The following SH3D21 variants were observed in gnomAD, a reference collection of about 807,000 sequenced individuals.
SH3D21 encodes SH3 domain-containing protein 21.
Under a neutral mutation model 82.1 loss-of-function variants are expected in SH3D21, and 83 were observed. The observed-to-expected ratio is 1.01, with a 90% CI of 0.85 to 1.21. SH3D21 has a LOEUF of 1.21. SH3D21 is among the 50% of genes most tolerant of loss of function. The pLI, the probability that SH3D21 is intolerant of heterozygous loss-of-function variation, is 0.00. For synonymous variants in SH3D21, 383 were observed against 387.8 expected, an observed-to-expected ratio of 0.99 and a Z score of 0.15; for missense variants, 980 against 962.1, an observed-to-expected ratio of 1.02 and a Z score of -0.25.
rs1462377402 is a variant in SH3D21 at position 36,319,738 on chromosome 1, A to G, written c.1075A>G (p.Thr359Ala). The G allele has an allele frequency of 6.3e-7, 1 of 1,598,692 alleles. No individual in the cohort carries two copies. Among genetic ancestry groups the G allele is most frequent in the Admixed American group, 1.8e-5 (1 of 56,552 alleles). The change falls in exon 14 of 16, where the codon ACT becomes GCT. Residue 359 changes from threonine to alanine, a missense_variant. By Grantham distance (58) the Thr-to-Ala change is moderately conservative. Coordinates refer to ENST00000453908, the MANE Select transcript of SH3D21 (RefSeq NM_001162530.2). ...SVKRTPMPDK[T>A]ATPERPPAPE... ...GAAGAGAACCCCCATGCCGGACAAG[A>G]CTGCCACCCCAGAGAGGCCCCCAGC...
intron 10 of SH3D21, among the ~76,000 whole-genome samples, chr1:36,314,034 G>GTGCGA (rs1445856143): frequency 9.1e-6 from 1 of 109,942 alleles, no homozygotes; most frequent in East Asian, 3.0e-4. Flanking sequence ...GAGTGCAGTG[G>GTGCGA]TGCGATCTTG....
Position 36,320,773 on chromosome 1 carries a change from C to G in SH3D21, c.2110C>G (p.Leu704Val). The change falls in exon 14 of 16, where the codon CTG becomes GTG. Residue 704 changes from leucine (L) to valine (V), a missense_variant. By Grantham distance (32) the Leu-to-Val change is conservative (BLOSUM62 1). Transcript: ENST00000453908. ...RGEVESLRRA[L>V]ELMEVQLERK... ...CGAGGTGGAGTCTCTAAGGAGGGCG[C>G]TGGAGCTGATGGAGGTGCAGCTGGA... 6.3e-7 allele frequency: 1 copy of G among 1,581,180 alleles called. No homozygotes were observed. The highest frequency in any genetic ancestry group is 8.6e-7 in the Non-Finnish European group (1 of 1,163,284).
In SH3D21 at chr1:36,321,025, C is replaced by T. The variant is rs897290756; in HGVS notation, c.2200-31C>T. ...GAGGGGGCTGACGGCGAGTGGCCCCCTGACAAAGTCTCCACCTCACTCCCG... is the reference window on the plus strand; with the variant it reads ...GAGGGGGCTGACGGCGAGTGGCCCCTTGACAAAGTCTCCACCTCACTCCCG... On this transcript the variant is annotated intron_variant, in intron 15 of 15. Coordinates refer to ENST00000453908, the MANE Select transcript of SH3D21 (RefSeq NM_001162530.2). The surrounding 1 kb of genome is among the most constrained non-coding windows in gnomAD (Gnocchi z 6.1). 1.9e-6 allele frequency: 3 copies of T among 1,598,476 alleles called. No homozygotes were observed. The highest frequency in any genetic ancestry group is 2.6e-6 in the Non-Finnish European group (3 of 1,173,194).
In SH3D21 at chr1:36,320,354, C is replaced by G. The variant is rs141778549; in HGVS notation, c.1691C>G (p.Ala564Gly). The G allele has an allele frequency of 2.0e-5, 33 of 1,613,474 alleles. No individual in the cohort carries two copies. The African/African-American group carries it at 4.4e-4, about 22-fold the overall frequency. The change falls in exon 14 of 16, where the codon GCT becomes GGT. Residue 564 changes from alanine to glycine, a missense_variant. Physicochemically the swap from Ala to Gly is moderately conservative, Grantham distance 60. Transcript: ENST00000453908. ...LVRGDSSPRQ[A>G]ELKSGPASRP... ...AGAGGGGACAGCTCCCCACGCCAGG[C>G]TGAGTTGAAGTCTGGGCCAGCATCC...
chr1:36,322,649 G>T (rs1446012513), downstream of SH3D21: 1 of 1,546,622 alleles, frequency 6.5e-7, no homozygotes, highest in East Asian at 2.4e-5. Context: ...AGATGCTGAT[G>T]ACGAGCAGGC....
In SH3D21 at chr1:36,307,088, ACGTG is replaced by A; in HGVS notation, c.227-76_227-73del. On this transcript the variant is annotated intron_variant, in intron 3 of 15. Coordinates refer to ENST00000453908, the MANE Select transcript of SH3D21 (RefSeq NM_001162530.2). This position sits in a 1 kb window ranked among gnomAD's most constrained non-coding sequence, Gnocchi z 5.4. The stretch of plus-strand genomic sequence containing the variant: ...GGCGGGGCTGGAGGGACCAAAGGCT[ACGTG>A]CGCGCCTTGCGCTTCCCCCAGCTCC... 2.0e-6 allele frequency: 3 copies of A among 1,536,044 alleles called. No homozygotes were observed. The highest frequency in any genetic ancestry group is 2.6e-6 in the Non-Finnish European group (3 of 1,138,570).
chr1:36,320,080 G>A lies in SH3D21; in HGVS notation c.1417G>A (p.Ala473Thr). The A allele has an allele frequency of 6.2e-7, 1 of 1,614,030 alleles. No individual in the cohort carries two copies. ...GGATAAAGTCCCTAATCCAAAGATG[G>A]CCCCTCTGGGGGATGAGGCCCCCAC... ...PMDKVPNPKM[A>T]PLGDEAPTLE... is the part of the protein sequence containing the mutation. Residue 473 changes from alanine to threonine, a missense_variant, in exon 14 of 16, where the codon GCC becomes ACC. Transcript: ENST00000453908.
At chr1:36,322,484 C>G, downstream of SH3D21, 1 of 1,604,090 alleles carries the variant, frequency 6.2e-7, no homozygotes, top group African/African-American at 1.3e-5. Context: ...GCCCGTCCGG[C>G]TCTGCGGACA....
chr1:36,324,296 A>T (rs1646518284), downstream of SH3D21: 1 of 152,232 alleles, frequency 6.6e-6, no homozygotes, highest in Admixed American at 6.5e-5. Flanking sequence ...CTTGTGCACC[A>T]AGCAGCTTGT....
At position 36,309,604 on chromosome 1, in the gene SH3D21, G is replaced by C; in HGVS notation, c.769+14G>C. 6.4e-7 allele frequency: 1 copy of C among 1,551,612 alleles called. No homozygotes were observed. Among genetic ancestry groups the C allele is most frequent in the African/African-American group, 1.4e-5 (1 of 73,170 alleles). ...CTCGGGAATCAGGTGAGTGCCCGGG[G>C]AGCCTGGGATTGGGGGGTGTTCTCT... On this transcript the variant is annotated intron_variant, in intron 10 of 15. Transcript: ENST00000453908.
downstream of SH3D21, chr1:36,322,342 GC>G: frequency 6.3e-7 from 1 of 1,577,710 alleles, no homozygotes; most frequent in South Asian, 1.1e-5. Context: ...GTGGGGCTGG[GC>G]CCCAGCGTGC....
intron 10 of SH3D21, among the ~76,000 whole-genome samples, chr1:36,314,699 C>T (rs1366866067): frequency 1.3e-5 from 2 of 152,046 alleles, no homozygotes; most frequent in Non-Finnish European, 2.9e-5. Context: ...TGTGATCCAC[C>T]CACCTCGGCC....
chr1:36,313,100 G>A (rs1646272263), intron 10 of SH3D21, among the ~76,000 whole-genome samples: 2 of 152,056 alleles, frequency 1.3e-5, no homozygotes, highest in Non-Finnish European at 2.9e-5. Context: ...TGAGGCGGGT[G>A]GATCATGGGG....
At chr1:36,322,706 G>A, downstream of SH3D21, 1 of 1,547,230 alleles carries the variant, frequency 6.5e-7, no homozygotes, top group Non-Finnish European at 8.7e-7. Context: ...CGAAGTAGAG[G>A]CCGAAGCTCT....
rs1318578385 is a variant in SH3D21 at position 36,320,357 on chromosome 1, A to T, written c.1694A>T (p.Glu565Val). The change falls in exon 14 of 16, where the codon GAG becomes GTG. Residue 565 changes from glutamate (E) to valine (V), a missense_variant. Glu to Val is a moderately radical substitution (Grantham distance 121). Coordinates refer to ENST00000453908, the MANE Select transcript of SH3D21 (RefSeq NM_001162530.2). ...GGGGACAGCTCCCCACGCCAGGCTG[A>T]GTTGAAGTCTGGGCCAGCATCCAGG... The part of the protein sequence containing the change: ...VRGDSSPRQA[E>V]LKSGPASRPA... 2 of 1,613,482 alleles carry T rather than the reference A, an allele frequency of 1.2e-6. No individual in the cohort carries two copies. Among genetic ancestry groups the T allele is most frequent in the Non-Finnish European group, 1.7e-6 (2 of 1,179,998 alleles).
intron 10 of SH3D21, among the ~76,000 whole-genome samples, chr1:36,312,066 T>C (rs2995227): frequency 0.99 from 149,938 of 152,064 alleles, 73,959 homozygotes; most frequent in Middle Eastern, 1. Flanking sequence ...GCTTTGTCAC[T>C]CAGGCTGGAG....
intron 9 of SH3D21, 56 bp downstream of exon 9, chr1:36,308,531 T>TGG: frequency 7.0e-7 from 1 of 1,423,898 alleles, no homozygotes; most frequent in Non-Finnish European, 9.7e-7. Context: ...TGGACAAAGG[T>TGG]GGGGATCATG....
At chr1:36,308,367 C>A in intron 8 of SH3D21, 22 bp from the exon 9 acceptor site, 1 of 1,550,338 alleles carries the variant, frequency 6.5e-7, no homozygotes, top group Non-Finnish European at 8.7e-7. Flanking sequence ...CTCACCTCCC[C>A]ACTGGCGTGT....
rs145174503 is a variant in SH3D21 at position 36,320,342 on chromosome 1, C to G, written c.1679C>G (p.Ser560Cys). Residue 560 changes from serine (S) to cysteine (C), a missense_variant, in exon 14 of 16, where the codon TCC becomes TGC. Ser to Cys is a moderately radical substitution (Grantham distance 112). Transcript: ENST00000453908. Reference protein sequence around the residue: ...MKCTLVRGDSSPRQAELKSGP... With the variant: ...MKCTLVRGDSCPRQAELKSGP... ...TGTACCCTAGTTAGAGGGGACAGCT[C>G]CCCACGCCAGGCTGAGTTGAAGTCT... The G allele has an allele frequency of 1.4e-5, 23 of 1,613,226 alleles. No homozygotes were observed. The highest frequency in any genetic ancestry group is 1.9e-5 in the Non-Finnish European group (22 of 1,179,992).
Sources: gnomAD v4.1 joint callset for allele counts (sites outside exome capture counted in the v4.1 genomes callset) on GRCh38, gnomAD v4.1.1 for gene constraint, Gnocchi (gnomAD v3.1) non-coding constraint, MANE v1.5 for transcripts, NCBI Gene and HGNC (gene_info 2026-07-23, HGNC 2026-07-21) for gene names.